Variants in IMMP2L observed in about 807,000 individuals in gnomAD.
IMMP2L encodes mitochondrial inner membrane protease subunit 2.
IMMP2L carries 18 observed loss-of-function variants against 19.3 expected under a neutral mutation model. That is an observed-to-expected ratio of 0.93 (90% CI 0.64 to 1.38). IMMP2L has a LOEUF of 1.38. IMMP2L is among the 40% of genes most tolerant of loss of function. The pLI, the probability that IMMP2L is intolerant of heterozygous loss-of-function variation, is 0.00. For missense variants in IMMP2L, 233 were observed against 218.2 expected (o/e 1.07, Z -0.43); for synonymous variants, 76 against 73.0 (o/e 1.04, Z -0.21).
At chr7:111,106,226 A>C (rs919616686) in intron 3 of IMMP2L, among the ~76,000 whole-genome samples, 4 of 151,906 alleles carry the variant, frequency 2.6e-5, no homozygotes, top group Non-Finnish European at 4.4e-5. Flanking sequence ...CTAAGAGAAG[A>C]AGCAAAGTAC....
intron 1 of IMMP2L, among the ~76,000 whole-genome samples, chr7:111,550,739 CCTT>C (rs1370151566): frequency 6.6e-6 from 1 of 152,164 alleles, no homozygotes; most frequent in East Asian, 1.9e-4. Flanking sequence ...TCAATGCTAA[CCTT>C]CTGCACAGCT....
chr7:111,142,023 T>A (rs1039714389), intron 3 of IMMP2L, among the ~76,000 whole-genome samples: 2 of 152,086 alleles, frequency 1.3e-5, no homozygotes, highest in Non-Finnish European at 2.9e-5. Flanking sequence ...CAATTTTGCA[T>A]ACATGAAAAT....
Position 110,982,649 on chromosome 7 carries a change from T to C in IMMP2L, c.240-19084A>G, listed in dbSNP as rs137963396. Among the ~76,000 whole-genome samples, 769 of 152,248 alleles carry C rather than the reference T, an allele frequency of 5.1e-3. 11 individuals are homozygous for C. The highest frequency in any genetic ancestry group is 0.018 in the African/African-American group (744 of 41,562). On this transcript the variant is annotated intron_variant, in intron 3 of 5. Coordinates refer to ENST00000405709, the MANE Select transcript of IMMP2L (RefSeq NM_032549.4). Reference sequence around the variant, plus strand: ...AAAGACTCCACTGTGACTGTACAAGTATACTTCGTGACCACTAATGTATAT... The same window carrying C: ...AAAGACTCCACTGTGACTGTACAAGCATACTTCGTGACCACTAATGTATAT...
At chr7:111,199,720 ACT>A (rs1213551820) in intron 3 of IMMP2L, among the ~76,000 whole-genome samples, 1 of 152,160 alleles carries the variant, frequency 6.6e-6, no homozygotes, top group African/African-American at 2.4e-5. Context: ...AAAGCAGCAA[ACT>A]CTGCTAAAGT....
intron 3 of IMMP2L, among the ~76,000 whole-genome samples, chr7:111,252,134 A>T (rs1816206880): frequency 7.0e-6 from 1 of 142,934 alleles, no homozygotes; most frequent in African/African-American, 2.6e-5. Context: ...TTGGGAGCAT[A>T]AAAAAAAAAA....
At chr7:111,185,808 A>G (rs1396296328) in intron 3 of IMMP2L, among the ~76,000 whole-genome samples, 6 of 152,334 alleles carry the variant, frequency 3.9e-5, no homozygotes, top group East Asian at 3.9e-4. Flanking sequence ...GTATAAACAG[A>G]TATGAGTAAT....
At chr7:111,206,120 C>T (rs1424208431) in intron 3 of IMMP2L, among the ~76,000 whole-genome samples, 1 of 152,062 alleles carries the variant, frequency 6.6e-6, no homozygotes, top group African/African-American at 2.4e-5. Flanking sequence ...CACCTCAAAC[C>T]CTATCTTATT....
At position 111,529,849 on chromosome 7, in the gene IMMP2L, A is replaced by T. The variant is rs370160313; in HGVS notation, c.-2-8400T>A. On this transcript the variant is annotated intron_variant, in intron 1 of 5. Transcript: ENST00000405709. ...TTAAGTCAGCAATATGTAAAAACAA[A>T]TGAATTTGAAGGTCATGCTCTAGTA... 1.4e-4 allele frequency among the ~76,000 whole-genome samples: 22 copies of T among 152,344 alleles called. No individual in the cohort carries two copies. In the South Asian group the frequency reaches 4.1e-3, roughly 29 times the overall value.
intron 3 of IMMP2L, among the ~76,000 whole-genome samples, chr7:111,137,894 A>G (rs1802497207): frequency 6.6e-6 from 1 of 152,164 alleles, no homozygotes; most frequent in Non-Finnish European, 1.5e-5. Flanking sequence ...ACATGATCTC[A>G]GCTCCCTGCA....
chr7:111,182,806 CAAGAG>C (rs759846726), intron 3 of IMMP2L, among the ~76,000 whole-genome samples: 15 of 151,958 alleles, frequency 9.9e-5, no homozygotes, highest in South Asian at 4.2e-4. Flanking sequence ...CAAAAGAAAA[CAAGAG>C]AACTCAGGCT....
At chr7:110,690,112 C>G (rs530585190) in intron 5 of IMMP2L, among the ~76,000 whole-genome samples, 1 of 152,160 alleles carries the variant, frequency 6.6e-6, no homozygotes, top group African/African-American at 2.4e-5. Context: ...AGGCTTCTAT[C>G]GTGGCACCCA....
intron 3 of IMMP2L, among the ~76,000 whole-genome samples, chr7:111,377,509 A>G (rs1830789711): frequency 6.6e-6 from 1 of 151,672 alleles, no homozygotes; most frequent in Non-Finnish European, 1.5e-5. Context: ...CCTCCATTCT[A>G]TGTCATTCTA....
At chr7:110,732,977 G>A (rs901323860) in intron 5 of IMMP2L, among the ~76,000 whole-genome samples, 1 of 152,012 alleles carries the variant, frequency 6.6e-6, no homozygotes, top group East Asian at 1.9e-4. Context: ...CTGTAGAGAG[G>A]GGGTCTCACT....
chr7:110,921,321 C>T (rs2129550494), intron 4 of IMMP2L, among the ~76,000 whole-genome samples: 1 of 152,310 alleles, frequency 6.6e-6, no homozygotes, highest in East Asian at 1.9e-4. Context: ...GGAGGTTTCT[C>T]AAGACAGTGG....
At chr7:111,396,960 C>A (rs1415159926) in intron 3 of IMMP2L, among the ~76,000 whole-genome samples, 1 of 151,894 alleles carries the variant, frequency 6.6e-6, no homozygotes, top group Non-Finnish European at 1.5e-5. Flanking sequence ...TCGTGGCAGG[C>A]GCCTGTAATC....
intron 5 of IMMP2L, among the ~76,000 whole-genome samples, chr7:110,706,541 A>T (rs1243016175): frequency 6.6e-6 from 1 of 152,138 alleles, no homozygotes; most frequent in African/African-American, 2.4e-5. Flanking sequence ...TCACAATAAT[A>T]ACCATTTTGA....
intron 5 of IMMP2L, among the ~76,000 whole-genome samples, chr7:110,675,463 C>G (rs1473537358): frequency 6.6e-6 from 1 of 152,138 alleles, no homozygotes; most frequent in Non-Finnish European, 1.5e-5. Context: ...CCTCTTACTG[C>G]AAGGTTGTCG....
Position 110,874,852 on chromosome 7 carries a change from A to C in IMMP2L, c.408+11741T>G, listed in dbSNP as rs920493911. Among the ~76,000 whole-genome samples the C allele has an allele frequency of 1.3e-5, 2 of 152,078 alleles. 1 individual carries two copies. Among genetic ancestry groups the C allele is most frequent in the South Asian group, 4.1e-4 (2 of 4,828 alleles). On this transcript the variant is annotated intron_variant, in intron 5 of 5. Coordinates refer to ENST00000405709, the MANE Select transcript of IMMP2L (RefSeq NM_032549.4). Reference sequence around the variant, plus strand: ...GGAAGTCCAATATTAAGGAACCAGCAGGTTTGATGATTCTGATTTCAAGAT... The same window carrying C: ...GGAAGTCCAATATTAAGGAACCAGCCGGTTTGATGATTCTGATTTCAAGAT...
At chr7:110,823,613 G>C (rs1015359752) in intron 5 of IMMP2L, among the ~76,000 whole-genome samples, 1 of 152,004 alleles carries the variant, frequency 6.6e-6, no homozygotes, top group African/African-American at 2.4e-5. Context: ...AAGGTACTAA[G>C]TTCTTTTCCT....
Sources: allele counts gnomAD v4.1 joint callset (sites outside exome capture counted in the v4.1 genomes callset), GRCh38; gene constraint gnomAD v4.1.1; transcripts MANE v1.5; gene names NCBI Gene and HGNC (gene_info 2026-07-23, HGNC 2026-07-21).